SHTN1: variants seen among roughly 807,000 people sequenced by gnomAD.
SHTN1 encodes the protein shootin-1.
Under a neutral mutation model 83.1 loss-of-function variants are expected in SHTN1, and 42 were observed. That is an observed-to-expected ratio of 0.51 (90% CI 0.39 to 0.65). The LOEUF is 0.65. Ranked by LOEUF, SHTN1 falls within the 30% of genes least tolerant of loss-of-function variation. The probability of loss-of-function intolerance (pLI) is 0.00; values close to 1 mark genes in which losing one functional copy is unlikely to be tolerated. For missense variants in SHTN1, 622 were observed against 737.8 expected (o/e 0.84, Z 1.82); for synonymous variants, 224 against 247.7 (o/e 0.90, Z 0.90).
At chr10:116,961,467 G>A (rs941991671) in intron 3 of SHTN1, among the ~76,000 whole-genome samples, 3 of 151,990 alleles carry the variant, frequency 2.0e-5, no homozygotes, top group South Asian at 2.1e-4. Context: ...TGCAGTCACC[G>A]AGAAAAACAT....
At chr10:117,004,051 C>A (rs1442178003) in intron 1 of SHTN1, among the ~76,000 whole-genome samples, 1 of 152,064 alleles carries the variant, frequency 6.6e-6, no homozygotes, top group African/African-American at 2.4e-5. Flanking sequence ...CCACGCCCGG[C>A]TAATTTTGTA....
chr10:116,886,213 C>T lies in SHTN1; in HGVS notation c.*131G>A, dbSNP rs1564858166. ...TTATAGTTGCTACTTACAAAAGTGA[C>T]ACCAGAAAAGAACCTGTATTCTGAA... On this transcript the variant is annotated 3_prime_UTR_variant, in exon 17 of 17. Transcript: ENST00000355371. 3 of 1,271,976 alleles carry T rather than the reference C, an allele frequency of 2.4e-6. No homozygotes were observed. The highest frequency in any genetic ancestry group is 3.2e-6 in the Non-Finnish European group (3 of 935,248). 78.8% of individuals were successfully genotyped at this position (1,271,976 alleles called of 1,614,324 possible).
intron 1 of SHTN1, among the ~76,000 whole-genome samples, chr10:117,122,737 G>C (rs1369165369): frequency 6.6e-6 from 1 of 152,090 alleles, no homozygotes; most frequent in Non-Finnish European, 1.5e-5. Context: ...TGTCTACTAT[G>C]TACCAATCTA....
At chr10:117,022,799 T>C (rs1433827122) in intron 2 of SHTN1, among the ~76,000 whole-genome samples, 1 of 152,102 alleles carries the variant, frequency 6.6e-6, no homozygotes, top group Non-Finnish European at 1.5e-5. Flanking sequence ...CAGGTGCCTG[T>C]AATCCCCGCT....
intron 9 of SHTN1, among the ~76,000 whole-genome samples, chr10:116,933,887 G>T (rs575391939): frequency 1.6e-4 from 25 of 152,246 alleles, no homozygotes; most frequent in African/African-American, 5.8e-4. Flanking sequence ...GTATCTCATT[G>T]TGGTTTTGAT....
intron 1 of SHTN1, among the ~76,000 whole-genome samples, chr10:117,099,307 T>C (rs761635763): frequency 6.6e-6 from 1 of 151,804 alleles, no homozygotes; most frequent in Non-Finnish European, 1.5e-5. Context: ...CGGGGTGCAC[T>C]AAAATCTTAG....
intron 1 of SHTN1, among the ~76,000 whole-genome samples, chr10:117,072,600 C>A (rs1051954251): frequency 6.6e-6 from 1 of 152,042 alleles, no homozygotes; most frequent in African/African-American, 2.4e-5. Context: ...GTGGCTAGAC[C>A]CAGAAGAGAG....
rs17095834 is a variant in SHTN1, at chr10:117,090,753, A to G, written c.-189+35554T>C. The stretch of plus-strand genomic sequence containing the variant: ...GCCATGTGCCCTAATTTGTGAAAAC[A>G]GAAGGAAGGAAGGAAGGAAGGAAGG... On this transcript the variant is annotated intron_variant, in intron 1 of 17. Transcript: ENST00000392901. 3.0e-3 allele frequency among the ~76,000 whole-genome samples: 297 copies of G among 97,526 alleles called. 25 individuals are homozygous for G. The highest frequency in any genetic ancestry group is 8.7e-3 in the East Asian group (24 of 2,772). 64.0% of individuals were successfully genotyped at this position (97,526 alleles called of 152,430 possible). A position where few individuals can be genotyped will look rare whatever the true frequency, so the allele number is the denominator to read the frequency against.
At chr10:116,953,361 T>C (rs1849842553) in intron 5 of SHTN1, among the ~76,000 whole-genome samples, 1 of 152,200 alleles carries the variant, frequency 6.6e-6, no homozygotes, top group Non-Finnish European at 1.5e-5. Context: ...TCTTGACATA[T>C]AGTACATATC....
rs187245920 is a variant in SHTN1 at position 116,886,388 on chromosome 10, C to G, written c.1852G>C (p.Asp618His). ...EGEIQPENKE[D>H]SIENVRETDS... ...GTCTCTCTCACGTTTTCAATGCTGT[C>G]TTCTTTGTTTTCTGGTTGAATTTCG... The change falls in exon 17 of 17, where the codon GAC becomes CAC. Residue 618 changes from aspartate to histidine, a missense_variant. By Grantham distance (81) the Asp-to-His change is moderately conservative. Around this residue, in one of 3 missense-constraint regions of SHTN1, gnomAD observed 231 missense variants for 251.6 expected, o/e 0.92. Coordinates refer to ENST00000355371, the MANE Select transcript of SHTN1 (RefSeq NM_001127211.3). 2.6e-6 allele frequency: 4 copies of G among 1,568,322 alleles called. No homozygotes were observed. In the East Asian group the frequency reaches 9.4e-5, roughly 37 times the overall value.
intron 7 of SHTN1, among the ~76,000 whole-genome samples, chr10:116,946,254 T>C: frequency 6.7e-6 from 1 of 148,696 alleles, no homozygotes; most frequent in Non-Finnish European, 1.5e-5. Flanking sequence ...GAGAGAGTTT[T>C]TTTTAAGATT....
At chr10:117,052,024 A>ATATAT (rs1417984142) in intron 1 of SHTN1, among the ~76,000 whole-genome samples, 2 of 130,464 alleles carry the variant, frequency 1.5e-5, no homozygotes, top group South Asian at 2.4e-4. Flanking sequence ...ATATATATAG[A>ATATAT]AAAGCCTAAG....
chr10:117,049,379 C>CA lies in SHTN1; in HGVS notation c.-188-870dup, dbSNP rs1330548830. ...AAAAACAAACAAACAACAACAACAACAAAAAAAACAAAAAACCTCATAGAA... is the reference window on the plus strand; with the variant it reads ...AAAAACAAACAAACAACAACAACAACAAAAAAAAACAAAAAACCTCATAGAA... On this transcript the variant is annotated intron_variant, in intron 1 of 17. Transcript: ENST00000392901. 4.7e-3 allele frequency among the ~76,000 whole-genome samples: 709 copies of CA among 151,256 alleles called. 4 individuals carry two copies. Among genetic ancestry groups the CA allele is most frequent in the African/African-American group, 0.014 (595 of 41,248 alleles).
chr10:116,994,524 A>ATTT (rs1405645724), intron 1 of SHTN1, among the ~76,000 whole-genome samples: 4 of 152,224 alleles, frequency 2.6e-5, no homozygotes, highest in Middle Eastern at 3.4e-3. Flanking sequence ...AGAAGGGGAA[A>ATTT]GAGGGAAGGG....
chr10:117,011,972 C>A (rs1201479035), intron 2 of SHTN1, among the ~76,000 whole-genome samples: 1 of 151,918 alleles, frequency 6.6e-6, no homozygotes, highest in South Asian at 2.1e-4. Flanking sequence ...AACCCTGTCT[C>A]TAATAAAAAT....
chr10:116,893,145 G>C (rs142876971), intron 16 of SHTN1, among the ~76,000 whole-genome samples: 3 of 152,268 alleles, frequency 2.0e-5, no homozygotes, highest in East Asian at 3.9e-4. Context: ...GGAAGTTGCT[G>C]TTTGCACAGC....
intron 16 of SHTN1, among the ~76,000 whole-genome samples, chr10:116,889,611 A>G (rs1165564462): frequency 6.6e-6 from 1 of 152,162 alleles, no homozygotes; most frequent in East Asian, 1.9e-4. Flanking sequence ...ACTGGCCCGA[A>G]ACCACACAGC....
At chr10:117,063,724 T>C (rs1250860245) in intron 1 of SHTN1, among the ~76,000 whole-genome samples, 1 of 152,124 alleles carries the variant, frequency 6.6e-6, no homozygotes. Context: ...TCAAGGTCTT[T>C]TTATTCCTTA....
At chr10:116,957,054 A>T (rs1333482821) in intron 4 of SHTN1, among the ~76,000 whole-genome samples, 5 of 151,830 alleles carry the variant, frequency 3.3e-5, no homozygotes, top group African/African-American at 7.3e-5. Context: ...CTTCCAAAGC[A>T]CTGGGATTAC....
Sources: allele counts gnomAD v4.1 joint callset (sites outside exome capture counted in the v4.1 genomes callset), GRCh38; gene constraint gnomAD v4.1.1; regional missense constraint gnomAD v4.1.1; transcripts MANE v1.5; gene names NCBI Gene and HGNC (gene_info 2026-07-23, HGNC 2026-07-21).